Variants in UBXN8 observed in about 807,000 individuals in gnomAD.
UBXN8 encodes the protein UBX domain-containing protein 8.
UBXN8 carries 27 observed loss-of-function variants against 32.1 expected under a neutral mutation model. The ratio of observed to expected loss-of-function variants is 0.84; its 90% CI spans 0.62 to 1.16. The LOEUF is 1.16. Among genes scored for constraint, UBXN8 ranks in the 50% most tolerant of loss-of-function variants. UBXN8 has a pLI of 0.00. For synonymous variants in UBXN8, 109 were observed against 111.8 expected, an observed-to-expected ratio of 0.98 and a Z score of 0.16; for missense variants, 306 against 311.4, an observed-to-expected ratio of 0.98 and a Z score of 0.13.
At chr8:30,749,392 C>CAAAAA (rs762244650) in intron 1 of UBXN8, among the ~76,000 whole-genome samples, 8,968 of 74,230 alleles carry the variant, frequency 0.12, 723 homozygotes, top group African/African-American at 0.22. Context: ...GGCTCCGTCT[C>CAAAAA]AAAAAAAAAA....
At chr8:30,754,935 T>G (rs1256869777) in intron 4 of UBXN8, 148 bp downstream of exon 4, 1 of 1,013,592 alleles carries the variant, frequency 9.9e-7, no homozygotes, top group African/African-American at 1.8e-5. Flanking sequence ...ACTTGTTTAT[T>G]ACATGGTTAA....
intron 3 of UBXN8, chr8:30,754,255 A>G: frequency 2.9e-6 from 1 of 342,958 alleles, no homozygotes; most frequent in South Asian, 2.5e-5. Flanking sequence ...AAAAACAAAA[A>G]CAAAGGATGT....
At chr8:30,731,588 C>A (rs1804959799), upstream of UBXN8, among the ~76,000 whole-genome samples, 1 of 152,002 alleles carries the variant, frequency 6.6e-6, no homozygotes, top group Non-Finnish European at 1.5e-5. Context: ...CCTTACGGTC[C>A]CCCGAGAGGA....
upstream of UBXN8, among the ~76,000 whole-genome samples, chr8:30,731,028 G>A (rs546390407): frequency 3.3e-5 from 5 of 152,358 alleles, no homozygotes; most frequent in East Asian, 1.9e-4. Flanking sequence ...GGGAAGGGGG[G>A]CCCCGGGAAA....
Position 30,758,871 on chromosome 8 carries a change from TG to T in UBXN8, c.528+1985del, listed in dbSNP as rs1216946432. Among the ~76,000 whole-genome samples, 452 of 126,526 alleles carry T rather than the reference TG, an allele frequency of 3.6e-3. 3 individuals carry two copies. Among genetic ancestry groups the T allele is most frequent in the African/African-American group, 0.013 (409 of 30,844 alleles). The allele number at this position is 126,526 out of a possible 152,430, so 83.0% of individuals were successfully genotyped here. Reference sequence around the variant, plus strand: ...TGGAGATGAAGTCATTGGTAACAAATGTTTTTTTTGTTTGTTTTTTTTGTTT... The same window carrying T: ...TGGAGATGAAGTCATTGGTAACAAATTTTTTTTTGTTTGTTTTTTTTGTTT... On this transcript the variant is annotated intron_variant, in intron 5 of 7. Coordinates refer to ENST00000265616, the MANE Select transcript of UBXN8 (RefSeq NM_005671.4).
At chr8:30,762,996 A>G in intron 6 of UBXN8, 1 of 367,990 alleles carries the variant, frequency 2.7e-6, no homozygotes, top group Non-Finnish European at 5.0e-6. Context: ...CAACCTCCCA[A>G]GTAGCTGGGA....
rs997168847 is a variant in UBXN8, at chr8:30,766,262, C to G, written c.681C>G (p.His227Gln). Residue 227 changes from histidine to glutamine, a missense_variant, in exon 8 of 8, where the codon CAC becomes CAG. Physicochemically the swap from His to Gln is conservative, Grantham distance 24. Coordinates refer to ENST00000265616, the MANE Select transcript of UBXN8 (RefSeq NM_005671.4). ...ACTGGATGACGAGAATTGGGTACCACATATCTCTATACAGCCTTTCTACTT... is the reference window on the plus strand; with the variant it reads ...ACTGGATGACGAGAATTGGGTACCAGATATCTCTATACAGCCTTTCTACTT... ...LFDWMTRIGY[H>Q]ISLYSLSTSF... The G allele has an allele frequency of 6.2e-7, 1 of 1,613,478 alleles. No homozygotes were observed. Among genetic ancestry groups the G allele is most frequent in the African/African-American group, 1.3e-5 (1 of 74,908 alleles).
In UBXN8 at chr8:30,751,198, A is replaced by C. The variant is rs183282913; in HGVS notation, c.89-198A>C. 2.0e-5 allele frequency among the ~76,000 whole-genome samples: 3 copies of C among 152,290 alleles called. No homozygotes were observed. In the East Asian group the frequency reaches 5.8e-4, roughly 29 times the overall value. The stretch of plus-strand genomic sequence containing the variant: ...AGTACAAATAATCTTCTAATGTGTT[A>C]TAATTTATTAGGAGTATCAAGAAAA... On this transcript the variant is annotated intron_variant, in intron 1 of 7. Transcript: ENST00000265616.
At position 30,766,357 on chromosome 8, in the gene UBXN8, C is replaced by T; in HGVS notation, c.776C>T (p.Thr259Ile). 6.2e-7 allele frequency: 1 copy of T among 1,612,544 alleles called. No individual in the cohort carries two copies. Among genetic ancestry groups the T allele is most frequent in the Non-Finnish European group, 8.5e-7 (1 of 1,179,230 alleles). ...GAGGACATAGGAATAACTGTGGACA[C>T]TGTACTCATCCTGGAGGAGAAGGAG... ...SLEDIGITVDTVLILEEKEQT... is the reference protein window; with the variant it reads ...SLEDIGITVDIVLILEEKEQT... Residue 259 changes from threonine to isoleucine, a missense_variant, in exon 8 of 8, where the codon ACT (threonine) becomes ATT (isoleucine). Physicochemically the swap from Thr to Ile is moderately conservative, Grantham distance 89. Transcript: ENST00000265616.
chr8:30,765,461 A>C (rs1805973691), intron 7 of UBXN8, among the ~76,000 whole-genome samples: 1 of 150,602 alleles, frequency 6.6e-6, no homozygotes, highest in Non-Finnish European at 1.5e-5. Context: ...TTTTGTAGAG[A>C]CTGGGTTTCG....
upstream of UBXN8, among the ~76,000 whole-genome samples, chr8:30,741,417 C>T (rs1292457577): frequency 6.6e-6 from 1 of 150,714 alleles, no homozygotes; most frequent in Non-Finnish European, 1.5e-5. Context: ...TTGACGTCCC[C>T]TCTGAGACAC....
chr8:30,753,771 CT>C lies in UBXN8; in HGVS notation c.282+685del, dbSNP rs748807226. ...AATATTCCATTGAATAGATATACCA[CT>C]TTTTTTTTTTTTTTTTTTGAGACTG... On this transcript the variant is annotated intron_variant, in intron 3 of 7. Transcript: ENST00000265616. Among the ~76,000 whole-genome samples, 441 of 122,600 alleles carry C rather than the reference CT, an allele frequency of 3.6e-3. 2 individuals are homozygous for C. The highest frequency in any genetic ancestry group is 0.013 in the African/African-American group (403 of 31,108). The allele number at this position is 122,600 out of a possible 152,430, so 80.4% of individuals were successfully genotyped here. A position where few individuals can be genotyped will look rare whatever the true frequency, so the allele number is the denominator to read the frequency against.
chr8:30,757,325 A>G (rs531448583), intron 5 of UBXN8, among the ~76,000 whole-genome samples: 1 of 151,548 alleles, frequency 6.6e-6, no homozygotes, highest in Non-Finnish European at 1.5e-5. Flanking sequence ...GAAGGCAGGC[A>G]GATCACCTGA....
chr8:30,737,871 C>A (rs1489721286), intron 1 of UBXN8, among the ~76,000 whole-genome samples: 1 of 152,060 alleles, frequency 6.6e-6, no homozygotes, highest in African/African-American at 2.4e-5. Flanking sequence ...AACACACACA[C>A]GTAGCCATCT....
At chr8:30,737,527 C>T (rs1805096327) in intron 1 of UBXN8, among the ~76,000 whole-genome samples, 1 of 152,186 alleles carries the variant, frequency 6.6e-6, no homozygotes, top group South Asian at 2.1e-4. Flanking sequence ...GCATCTGTAA[C>T]AGCACCTGGG....
chr8:30,761,047 T>C, intron 6 of UBXN8, 118 bp downstream of exon 6: 1 of 692,644 alleles, frequency 1.4e-6, no homozygotes. Flanking sequence ...TAAGTGTTCA[T>C]GTGATTATAC....
At chr8:30,742,397 C>G (rs889664757), upstream of UBXN8, among the ~76,000 whole-genome samples, 9 of 152,198 alleles carry the variant, frequency 5.9e-5, no homozygotes, top group African/African-American at 2.2e-4. Context: ...ATCGCCCAGG[C>G]TGGAGTGCAC....
chr8:30,738,654 CAAAAAAAAAAAA>C (rs536271863), intron 1 of UBXN8, among the ~76,000 whole-genome samples: 9 of 75,356 alleles, frequency 1.2e-4, no homozygotes, highest in African/African-American at 3.8e-4. Flanking sequence ...GCCTCCGTCT[CAAAAAAAAAAAA>C]AAAAAAAAGC....
chr8:30,756,819 A>G lies in UBXN8; in HGVS notation c.460A>G (p.Lys154Glu). ...SFETSNREAA[K>E]SQNLPKPLTE... ...TGAAACATCAAACAGAGAAGCAGCA[A>G]AGAGCCAGAACTTGCCTAAACCTTT... is the stretch of plus-strand genomic sequence containing the variant. Residue 154 changes from lysine to glutamate, a missense_variant, in exon 5 of 8, where the codon AAG (lysine) becomes GAG (glutamate). Coordinates refer to ENST00000265616, the MANE Select transcript of UBXN8 (RefSeq NM_005671.4). The G allele has an allele frequency of 6.2e-7, 1 of 1,614,046 alleles. No individual in the cohort carries two copies. The highest frequency in any genetic ancestry group is 1.3e-5 in the African/African-American group (1 of 75,064).
Sources: allele counts gnomAD v4.1 joint callset (sites outside exome capture counted in the v4.1 genomes callset), GRCh38; gene constraint gnomAD v4.1.1; transcripts MANE v1.5; gene names NCBI Gene and HGNC (gene_info 2026-07-23, HGNC 2026-07-21).